The following NUP43 variants were observed in gnomAD, a reference collection of about 807,000 sequenced individuals.
The protein encoded by NUP43 is nucleoporin 43.
Under a neutral mutation model 47.3 loss-of-function variants are expected in NUP43, and 32 were observed. That is an observed-to-expected ratio of 0.68 (90% CI 0.51 to 0.91). The LOEUF is 0.91. Ranked by LOEUF, NUP43 falls within the 40% of genes least tolerant of loss-of-function variation. The probability of loss-of-function intolerance (pLI) is 0.00; values close to 1 mark genes in which losing one functional copy is unlikely to be tolerated. For missense variants in NUP43, 444 were observed against 453.9 expected, an observed-to-expected ratio of 0.98 and a Z score of 0.20; for synonymous variants, 147 against 158.4, an observed-to-expected ratio of 0.93 and a Z score of 0.54.
rs917702267 is a variant in NUP43 at position 149,731,445 on chromosome 6, C to T, written c.913+168G>A. The T allele has an allele frequency of 9.7e-6, 5 of 513,094 alleles. 1 individual carries two copies. Among genetic ancestry groups the T allele is most frequent in the Non-Finnish European group, 1.7e-5 (5 of 293,738 alleles). 31.8% of individuals were successfully genotyped at this position (513,094 alleles called of 1,614,324 possible). On this transcript the variant is annotated intron_variant, in intron 7 of 7. Transcript: ENST00000340413. The stretch of plus-strand genomic sequence containing the variant: ...GGCACGGTGGTGCATGACTAGTAGT[C>T]CTGGCTACTCGGGAGGCTGAGGCAC...
intron 7 of NUP43, chr6:149,728,293 A>C (rs1380852215): frequency 1.0e-6 from 1 of 984,358 alleles, no homozygotes; most frequent in Non-Finnish European, 1.2e-6. Context: ...TTTTATTTCC[A>C]GTCTAACCAA....
At chr6:149,740,857 T>G (rs2115136142) in intron 4 of NUP43, among the ~76,000 whole-genome samples, 1 of 152,328 alleles carries the variant, frequency 6.6e-6, no homozygotes, top group East Asian at 1.9e-4. Context: ...ACTTCTCTCT[T>G]GCTTCATCTT....
chr6:149,727,161 A>G lies in NUP43; in HGVS notation c.951T>C (p.Ser317=). 1 of 1,614,156 alleles carries G rather than the reference A, an allele frequency of 6.2e-7. No individual in the cohort carries two copies. Among genetic ancestry groups the G allele is most frequent in the Non-Finnish European group, 8.5e-7 (1 of 1,180,020 alleles). ...RSSTFLSHSI[S]NQANVHQSVI... Reference sequence around the variant, plus strand: ...CAGACTGGTGAACATTAGCTTGGTTACTAATGCTATGAGACAAAAAAGTAC... The same window carrying G: ...CAGACTGGTGAACATTAGCTTGGTTGCTAATGCTATGAGACAAAAAAGTAC... Residue 317 remains serine, a synonymous_variant, in exon 8 of 8, where the codon AGT becomes AGC. Coordinates refer to ENST00000340413, the MANE Select transcript of NUP43 (RefSeq NM_198887.3).
At chr6:149,740,502 G>A (rs1234999646) in intron 4 of NUP43, among the ~76,000 whole-genome samples, 1 of 151,734 alleles carries the variant, frequency 6.6e-6, no homozygotes, top group Non-Finnish European at 1.5e-5. Context: ...GGTGGCGTGC[G>A]CCTGTAGTCC....
intron 7 of NUP43, chr6:149,728,318 A>T: frequency 1.0e-6 from 1 of 985,280 alleles, no homozygotes; most frequent in Non-Finnish European, 1.2e-6. Flanking sequence ...CCTTAAAAGT[A>T]AACTTGCAAG....
intron 6 of NUP43, among the ~76,000 whole-genome samples, chr6:149,733,171 A>G (rs997797131): frequency 1.3e-5 from 2 of 152,128 alleles, no homozygotes; most frequent in African/African-American, 4.8e-5. Flanking sequence ...CTAATGAAAT[A>G]TAAAAATGAA....
rs1784724765 is a variant in NUP43 at position 149,724,588 on chromosome 6, T to C, written c.*2381A>G. The C allele has an allele frequency of 6.6e-6, 1 of 152,168 alleles. No homozygotes were observed. 9.4% of individuals were successfully genotyped at this position (152,168 alleles called of 1,614,324 possible). On this transcript the variant is annotated 3_prime_UTR_variant, in exon 8 of 8. Coordinates refer to ENST00000340413, the MANE Select transcript of NUP43 (RefSeq NM_198887.3). Reference sequence around the variant, plus strand: ...AAATGGGAAACTTTATCTCCTTATATATGTATATTTTTTGAGATGGCGTTT... The same window carrying C: ...AAATGGGAAACTTTATCTCCTTATACATGTATATTTTTTGAGATGGCGTTT...
chr6:149,733,861 G>C (rs1229011246), intron 6 of NUP43, among the ~76,000 whole-genome samples: 10 of 150,888 alleles, frequency 6.6e-5, no homozygotes, highest in African/African-American at 2.2e-4. Flanking sequence ...TTTCACTCTT[G>C]TTGCCCAGGC....
chr6:149,727,775 G>C lies in NUP43; in HGVS notation c.914-577C>G, dbSNP rs528151912. 6.1e-6 allele frequency: 6 copies of C among 983,608 alleles called. No individual in the cohort carries two copies. The African/African-American group carries it at 1.0e-4, about 17-fold the overall frequency. The allele number at this position is 983,608 out of a possible 1,614,324, so 60.9% of individuals were successfully genotyped here. On this transcript the variant is annotated intron_variant, in intron 7 of 7. Coordinates refer to ENST00000340413, the MANE Select transcript of NUP43 (RefSeq NM_198887.3). ...AGATTAGAACACTACTAGATTATAAGGTTTTATCTCTAACAGCGCACTGTA... is the reference window on the plus strand; with the variant it reads ...AGATTAGAACACTACTAGATTATAACGTTTTATCTCTAACAGCGCACTGTA...
intron 1 of NUP43, 25 bp from the exon 2 acceptor site, chr6:149,746,087 G>C (rs1245058308): frequency 6.2e-7 from 1 of 1,605,134 alleles, no homozygotes; most frequent in Non-Finnish European, 8.5e-7. Context: ...GTTTTGTCTT[G>C]AGATGACATA....
upstream of NUP43, among the ~76,000 whole-genome samples, chr6:149,748,423 CCA>C (rs1786136855): frequency 6.6e-6 from 1 of 152,192 alleles, no homozygotes; most frequent in Non-Finnish European, 1.5e-5. Context: ...TGGAAGCAGG[CCA>C]GTGTCACATT....
At chr6:149,730,937 C>CAA (rs1399540690) in intron 7 of NUP43, among the ~76,000 whole-genome samples, 1 of 121,156 alleles carries the variant, frequency 8.3e-6, no homozygotes, top group Non-Finnish European at 1.7e-5. Flanking sequence ...GACGCTGTCT[C>CAA]AAACAAAAAA....
At chr6:149,743,532 C>T in intron 3 of NUP43, 106 bp downstream of exon 3, 1 of 635,550 alleles carries the variant, frequency 1.6e-6, no homozygotes, top group Non-Finnish European at 2.7e-6. Context: ...AAGGTGGAGG[C>T]TGCGGTGAGC....
intron 6 of NUP43, among the ~76,000 whole-genome samples, chr6:149,734,904 A>G (rs1360540623): frequency 2.0e-5 from 3 of 149,574 alleles, no homozygotes; most frequent in Non-Finnish European, 4.5e-5. Context: ...GAATCAAAAG[A>G]AAAAAAAAAG....
chr6:149,733,350 T>C (rs922288366), intron 6 of NUP43, among the ~76,000 whole-genome samples: 1 of 152,200 alleles, frequency 6.6e-6, no homozygotes, highest in Non-Finnish European at 1.5e-5. Flanking sequence ...GTTGATTATT[T>C]ATCAAGAAAA....
At chr6:149,730,704 G>A (rs538916453) in intron 7 of NUP43, among the ~76,000 whole-genome samples, 7 of 152,146 alleles carry the variant, frequency 4.6e-5, no homozygotes, top group Non-Finnish European at 1.0e-4. Flanking sequence ...GCCCAGGCAG[G>A]AAGATTGCTT....
intron 7 of NUP43, among the ~76,000 whole-genome samples, chr6:149,729,244 G>A (rs1582958027): frequency 1.3e-5 from 2 of 152,066 alleles, no homozygotes; most frequent in East Asian, 1.9e-4. Context: ...TGCCCACCTC[G>A]GCCTCCCAAA....
chr6:149,745,976 A>G lies in NUP43; in HGVS notation c.207T>C (p.Cys69=), dbSNP rs1359297528. Reference sequence around the variant, plus strand: ...TTACATCACCATGGTGTCTGATATCACACAATAACTGATGGTCTCCTTCAA... The same window carrying G: ...TTACATCACCATGGTGTCTGATATCGCACAATAACTGATGGTCTCCTTCAA... The part of the protein sequence containing the change: ...GGFEGDHQLL[C]DIRHHGDVMD... Residue 69 remains cysteine, a synonymous_variant, in exon 2 of 8, where the codon TGT becomes TGC. Coordinates refer to ENST00000340413, the MANE Select transcript of NUP43 (RefSeq NM_198887.3). 2 of 1,613,534 alleles carry G rather than the reference A, an allele frequency of 1.2e-6. No individual in the cohort carries two copies. The highest frequency in any genetic ancestry group is 1.7e-6 in the Non-Finnish European group (2 of 1,179,694).
chr6:149,737,287 GAA>G (rs1384458804), intron 5 of NUP43, among the ~76,000 whole-genome samples: 8 of 121,430 alleles, frequency 6.6e-5, no homozygotes, highest in African/African-American at 1.8e-4. Context: ...CTGTCTCAAA[GAA>G]AAAAAAAAAA....
Sources: allele counts gnomAD v4.1 joint callset (sites outside exome capture counted in the v4.1 genomes callset), GRCh38; gene constraint gnomAD v4.1.1; transcripts MANE v1.5; gene names NCBI Gene and HGNC (gene_info 2026-07-23, HGNC 2026-07-21).